ARHGAP15: variants seen among roughly 807,000 people sequenced by gnomAD.
The protein encoded by ARHGAP15 is rho GTPase-activating protein 15.
ARHGAP15 carries 51 observed loss-of-function variants against 63.7 expected under a neutral mutation model. That is an observed-to-expected ratio of 0.80 (90% CI 0.64 to 1.01). ARHGAP15 has a LOEUF of 1.01. Ranked by LOEUF, ARHGAP15 falls within the 50% of genes least tolerant of loss-of-function variation. The pLI, the probability that ARHGAP15 is intolerant of heterozygous loss-of-function variation, is 0.00. For synonymous variants in ARHGAP15, 191 were observed against 193.8 expected, an observed-to-expected ratio of 0.99 and a Z score of 0.12; for missense variants, 560 against 564.6, an observed-to-expected ratio of 0.99 and a Z score of 0.08.
intron 12 of ARHGAP15, among the ~76,000 whole-genome samples, chr2:143,638,516 G>T (rs1328494781): frequency 3.4e-4 from 35 of 103,402 alleles, no homozygotes; most frequent in Admixed American, 1.5e-3. Flanking sequence ...TGGGGGGAGG[G>T]GGGAGGGATA....
intron 12 of ARHGAP15, among the ~76,000 whole-genome samples, chr2:143,678,638 G>C (rs1053151782): frequency 6.6e-6 from 1 of 152,172 alleles, no homozygotes; most frequent in African/African-American, 2.4e-5. Context: ...TTAGAGAAGA[G>C]AACAGAATGT....
At chr2:143,131,946 T>A (rs190772177) in intron 1 of ARHGAP15, among the ~76,000 whole-genome samples, 1 of 152,174 alleles carries the variant, frequency 6.6e-6, no homozygotes, top group South Asian at 2.1e-4. Context: ...CAGTGATGTA[T>A]CCATTTCTTT....
In ARHGAP15 at chr2:143,550,164, G is replaced by A. The variant is rs945554964; in HGVS notation, c.926-6244G>A. 2.6e-5 allele frequency among the ~76,000 whole-genome samples: 4 copies of A among 151,982 alleles called. No individual in the cohort carries two copies. In the East Asian group the frequency reaches 7.7e-4, roughly 29 times the overall value. ...AGAGAAATTTTTTTTTAATCCAAGA[G>A]CAAAAGCAATTTACCTGCAAAGTGT... On this transcript the variant is annotated intron_variant, in intron 10 of 13. Coordinates refer to ENST00000295095, the MANE Select transcript of ARHGAP15 (RefSeq NM_018460.4).
At chr2:143,683,264 T>C (rs1683187659) in intron 12 of ARHGAP15, among the ~76,000 whole-genome samples, 2 of 152,168 alleles carry the variant, frequency 1.3e-5, no homozygotes, top group African/African-American at 4.8e-5. Context: ...CCAGGGAAAT[T>C]TGCATTCAGC....
chr2:143,453,737 A>G (rs1690515500), intron 8 of ARHGAP15, among the ~76,000 whole-genome samples: 1 of 151,858 alleles, frequency 6.6e-6, no homozygotes, highest in Non-Finnish European at 1.5e-5. Flanking sequence ...TTGATTCACT[A>G]TTAACATAAT....
chr2:143,412,276 A>C (rs184281766), intron 6 of ARHGAP15, among the ~76,000 whole-genome samples: 451 of 152,298 alleles, frequency 3.0e-3, no homozygotes, highest in Non-Finnish European at 3.1e-3. Flanking sequence ...GATTAAGAAC[A>C]AAACGGAAAT....
At chr2:143,560,343 T>C (rs1695969067) in intron 11 of ARHGAP15, among the ~76,000 whole-genome samples, 1 of 152,228 alleles carries the variant, frequency 6.6e-6, no homozygotes. Context: ...AGCACTTTAT[T>C]TACATAATTT....
chr2:143,145,037 G>A (rs1052774085), intron 1 of ARHGAP15, among the ~76,000 whole-genome samples: 3 of 152,024 alleles, frequency 2.0e-5, no homozygotes, highest in Non-Finnish European at 4.4e-5. Context: ...TCTGTGGAAG[G>A]TTCAGCTAAG....
intron 11 of ARHGAP15, among the ~76,000 whole-genome samples, chr2:143,590,729 G>A (rs974115005): frequency 6.6e-6 from 1 of 151,994 alleles, no homozygotes; most frequent in African/African-American, 2.4e-5. Context: ...AAGGCAGGGT[G>A]TGTCTTTTAT....
chr2:143,237,549 G>A (rs986487779), intron 5 of ARHGAP15: 1 of 152,152 alleles, frequency 6.6e-6, no homozygotes, highest in East Asian at 1.9e-4. Flanking sequence ...GTGAGCACCC[G>A]TTGCAAACCT....
intron 11 of ARHGAP15, among the ~76,000 whole-genome samples, chr2:143,563,351 G>T (rs551158982): frequency 6.6e-6 from 1 of 152,092 alleles, no homozygotes; most frequent in African/African-American, 2.4e-5. Flanking sequence ...CCTTCTACAT[G>T]ATTGAATTTT....
chr2:143,201,116 T>G (rs750160136), intron 2 of ARHGAP15, among the ~76,000 whole-genome samples: 13 of 151,924 alleles, frequency 8.6e-5, no homozygotes, highest in Non-Finnish European at 2.9e-5. Flanking sequence ...TTTTTAATTT[T>G]TATTTTTTTT....
chr2:143,262,955 CT>C (rs893166241), intron 6 of ARHGAP15, among the ~76,000 whole-genome samples: 21 of 152,276 alleles, frequency 1.4e-4, no homozygotes, highest in African/African-American at 5.1e-4. Context: ...TTACTCCTAC[CT>C]TTTGGTCCTT....
chr2:143,299,785 T>C (rs1360328956), intron 6 of ARHGAP15, among the ~76,000 whole-genome samples: 1 of 152,014 alleles, frequency 6.6e-6, no homozygotes, highest in African/African-American at 2.4e-5. Flanking sequence ...TCATAAGTGG[T>C]GAAAATTTAA....
chr2:143,592,350 A>G (rs1242094837), intron 11 of ARHGAP15, among the ~76,000 whole-genome samples: 1 of 152,206 alleles, frequency 6.6e-6, no homozygotes, highest in Non-Finnish European at 1.5e-5. Flanking sequence ...AGAATTGAAT[A>G]CTTTTAGGTT....
intron 3 of ARHGAP15, among the ~76,000 whole-genome samples, chr2:143,207,266 A>T (rs545865017): frequency 4.1e-4 from 62 of 152,114 alleles, no homozygotes; most frequent in Admixed American, 7.2e-4. Flanking sequence ...ATCACTAATT[A>T]TAGATAATAT....
intron 12 of ARHGAP15, among the ~76,000 whole-genome samples, chr2:143,688,464 T>G: frequency 6.6e-6 from 1 of 152,168 alleles, no homozygotes; most frequent in South Asian, 2.1e-4. Context: ...AAGAAAGGCA[T>G]TTCCTGTCAC....
intron 8 of ARHGAP15, among the ~76,000 whole-genome samples, chr2:143,447,042 G>A (rs1264790716): frequency 6.6e-6 from 1 of 151,990 alleles, no homozygotes; most frequent in Non-Finnish European, 1.5e-5. Flanking sequence ...GGACATTTGG[G>A]TTGGTTCCAA....
intron 6 of ARHGAP15, among the ~76,000 whole-genome samples, chr2:143,276,088 G>A (rs778136198): frequency 3.0e-4 from 46 of 152,276 alleles, no homozygotes; most frequent in African/African-American, 1.1e-3. Context: ...CTACTCTTCT[G>A]TAGTGCATAC....
Sources: gnomAD v4.1 joint callset for allele counts (sites outside exome capture counted in the v4.1 genomes callset) on GRCh38, gnomAD v4.1.1 for gene constraint, MANE v1.5 for transcripts, NCBI Gene and HGNC (gene_info 2026-07-23, HGNC 2026-07-21) for gene names.